The following TNFAIP8 variants were observed in gnomAD, a reference collection of about 807,000 sequenced individuals.
TNFAIP8 encodes tumor necrosis factor alpha-induced protein 8.
In TNFAIP8, 7 loss-of-function variants were observed where a neutral mutation model predicts 13.3. The observed-to-expected ratio is 0.52, with a 90% confidence interval of 0.30 to 0.99. TNFAIP8 has a LOEUF of 0.99. Ranked by LOEUF, TNFAIP8 falls within the 50% of genes least tolerant of loss-of-function variation. The probability of loss-of-function intolerance (pLI) is 0.07; values close to 1 mark genes in which losing one functional copy is unlikely to be tolerated. For missense variants in TNFAIP8, 258 were observed against 236.9 expected (o/e 1.09, Z -0.58); for synonymous variants, 94 against 87.6 (o/e 1.07, Z -0.41).
chr5:119,326,190 G>T (rs562975306), intron 1 of TNFAIP8, among the ~76,000 whole-genome samples: 4 of 152,298 alleles, frequency 2.6e-5, no homozygotes, highest in South Asian at 2.1e-4. Context: ...TGTCGTTTAG[G>T]AATGTGTGGT....
intron 1 of TNFAIP8, among the ~76,000 whole-genome samples, chr5:119,371,965 G>A (rs1051422912): frequency 1.3e-5 from 2 of 151,852 alleles, no homozygotes; most frequent in Admixed American, 6.6e-5. Context: ...GTGAAACCCC[G>A]TCTCTGCTAA....
At chr5:119,294,653 C>G (rs889238080) in intron 1 of TNFAIP8, among the ~76,000 whole-genome samples, 3 of 152,144 alleles carry the variant, frequency 2.0e-5, no homozygotes, top group African/African-American at 7.2e-5. Context: ...AGTTTACAGT[C>G]CCACCAACAG....
At chr5:119,330,282 G>A (rs1459980036) in intron 1 of TNFAIP8, among the ~76,000 whole-genome samples, 2 of 152,186 alleles carry the variant, frequency 1.3e-5, no homozygotes, top group Non-Finnish European at 2.9e-5. Context: ...AGGCCAAGGT[G>A]TTTTGTAGAC....
At chr5:119,288,058 A>C (rs1029660414) in intron 1 of TNFAIP8, among the ~76,000 whole-genome samples, 1 of 152,208 alleles carries the variant, frequency 6.6e-6, no homozygotes, top group Non-Finnish European at 1.5e-5. Flanking sequence ...TTACTAAGAC[A>C]ACTCCCAGCA....
intron 1 of TNFAIP8, among the ~76,000 whole-genome samples, chr5:119,296,648 A>G (rs951426450): frequency 4.6e-5 from 7 of 152,158 alleles, no homozygotes; most frequent in Non-Finnish European, 8.8e-5. Flanking sequence ...CATAAAACGA[A>G]TTAGGGAGGA....
intron 1 of TNFAIP8, among the ~76,000 whole-genome samples, chr5:119,364,180 G>A (rs779903825): frequency 5.9e-5 from 9 of 152,114 alleles, no homozygotes; most frequent in African/African-American, 9.7e-5. Flanking sequence ...TGATTGGTTC[G>A]TCTGCTAACC....
At chr5:119,355,919 C>T, upstream of TNFAIP8, 2 of 1,353,752 alleles carry the variant, frequency 1.5e-6, no homozygotes. Flanking sequence ...AGAACTTTCC[C>T]CCTGAAAATC....
At chr5:119,304,231 G>C (rs926392790) in intron 1 of TNFAIP8, among the ~76,000 whole-genome samples, 2 of 152,118 alleles carry the variant, frequency 1.3e-5, no homozygotes, top group Non-Finnish European at 2.9e-5. Flanking sequence ...TGATCCTCCT[G>C]CCGCAGCCTC....
intron 1 of TNFAIP8, among the ~76,000 whole-genome samples, chr5:119,340,833 T>G (rs1201814235): frequency 1.3e-5 from 2 of 152,176 alleles, no homozygotes; most frequent in African/African-American, 4.8e-5. Flanking sequence ...GTATTTTTAG[T>G]TGGATACCAC....
At chr5:119,362,768 G>A (rs915891092) in intron 1 of TNFAIP8, among the ~76,000 whole-genome samples, 2 of 151,860 alleles carry the variant, frequency 1.3e-5, no homozygotes, top group Non-Finnish European at 2.9e-5. Context: ...TTCCAGCCTG[G>A]GTGTCAGAGC....
At chr5:119,342,388 C>T (rs1750766510) in intron 1 of TNFAIP8, among the ~76,000 whole-genome samples, 1 of 152,202 alleles carries the variant, frequency 6.6e-6, no homozygotes, top group African/African-American at 2.4e-5. Context: ...AAAATTCTTG[C>T]AAATGTGTTT....
At chr5:119,298,874 T>C (rs1343433613) in intron 1 of TNFAIP8, among the ~76,000 whole-genome samples, 2 of 152,252 alleles carry the variant, frequency 1.3e-5, no homozygotes, top group Non-Finnish European at 2.9e-5. Flanking sequence ...CCATCACTGA[T>C]ACCCTTTCTT....
At position 119,393,103 on chromosome 5, in the gene TNFAIP8, C is replaced by G; in HGVS notation, c.319C>G (p.His107Asp). The change falls in exon 2 of 2, where the codon CAT becomes GAT. Residue 107 changes from histidine to aspartate, a missense_variant. Coordinates refer to ENST00000504771, the MANE Select transcript of TNFAIP8 (RefSeq NM_014350.4). Reference sequence around the variant, plus strand: ...GATGGAGAAATTTAAGAAGAAAGTTCATCAGCTTGCTATGACCGTGGTCAG... The same window carrying G: ...GATGGAGAAATTTAAGAAGAAAGTTGATCAGCTTGCTATGACCGTGGTCAG... Reference protein sequence around the residue: ...ALMEKFKKKVHQLAMTVVSFH... With the variant: ...ALMEKFKKKVDQLAMTVVSFH... 6.2e-7 allele frequency: 1 copy of G among 1,613,958 alleles called. No homozygotes were observed. Among genetic ancestry groups the G allele is most frequent in the Non-Finnish European group, 8.5e-7 (1 of 1,179,886 alleles).
intron 1 of TNFAIP8, among the ~76,000 whole-genome samples, chr5:119,290,260 T>C (rs1748940148): frequency 6.6e-6 from 1 of 151,854 alleles, no homozygotes; most frequent in Non-Finnish European, 1.5e-5. Flanking sequence ...GGTCAGGAAT[T>C]TGAGAGCTAC....
At chr5:119,348,364 AG>A (rs1302059899) in intron 1 of TNFAIP8, among the ~76,000 whole-genome samples, 1 of 152,242 alleles carries the variant, frequency 6.6e-6, no homozygotes. Flanking sequence ...CCTTGCCATA[AG>A]GAGTAAAGGC....
At chr5:119,372,161 C>CA (rs976713491) in intron 1 of TNFAIP8, among the ~76,000 whole-genome samples, 12 of 149,260 alleles carry the variant, frequency 8.0e-5, no homozygotes, top group East Asian at 7.9e-4. Context: ...CCCATCTCCA[C>CA]AAAAAAAATT....
At chr5:119,337,838 T>A (rs560848406) in intron 1 of TNFAIP8, among the ~76,000 whole-genome samples, 132 of 152,270 alleles carry the variant, frequency 8.7e-4, no homozygotes, top group Middle Eastern at 3.4e-3. Flanking sequence ...CCTAACTGAT[T>A]TCCCCAGCTT....
intron 1 of TNFAIP8, among the ~76,000 whole-genome samples, chr5:119,324,205 G>A (rs1309112947): frequency 7.0e-6 from 1 of 142,920 alleles, no homozygotes; most frequent in Non-Finnish European, 1.5e-5. Flanking sequence ...AACCCAGGAG[G>A]TGGAGGCTGC....
intron 1 of TNFAIP8, among the ~76,000 whole-genome samples, chr5:119,292,104 C>T (rs1749006259): frequency 6.6e-6 from 1 of 152,098 alleles, no homozygotes; most frequent in Non-Finnish European, 1.5e-5. Flanking sequence ...TCCCCAGTTC[C>T]CCAGAGGCAT....
Sources: allele counts gnomAD v4.1 joint callset (sites outside exome capture counted in the v4.1 genomes callset), GRCh38; gene constraint gnomAD v4.1.1; transcripts MANE v1.5; gene names NCBI Gene and HGNC (gene_info 2026-07-23, HGNC 2026-07-21).